The following KDM4C variants were observed in gnomAD, a reference collection of about 807,000 sequenced individuals.
KDM4C encodes the protein lysine demethylase 4C.
KDM4C carries 81 observed loss-of-function variants against 129.3 expected under a neutral mutation model. The observed-to-expected ratio is 0.63, with a 90% CI of 0.52 to 0.75. KDM4C has a LOEUF of 0.75. Among genes scored for constraint, KDM4C ranks in the 30% least tolerant of loss-of-function variants. KDM4C has a pLI of 0.00. For missense variants in KDM4C, 1,457 were observed against 1,304.0 expected, an observed-to-expected ratio of 1.12 and a Z score of -1.81; for synonymous variants, 573 against 456.1, an observed-to-expected ratio of 1.26 and a Z score of -3.26.
chr9:6,761,443 C>A (rs1442933517), intron 1 of KDM4C, among the ~76,000 whole-genome samples: 2 of 151,938 alleles, frequency 1.3e-5, no homozygotes, highest in Non-Finnish European at 2.9e-5. Context: ...CTCTGGCAGT[C>A]CACCAGCCCC....
intron 8 of KDM4C, among the ~76,000 whole-genome samples, chr9:6,968,614 T>C (rs1035565089): frequency 6.6e-6 from 1 of 152,206 alleles, no homozygotes; most frequent in Non-Finnish European, 1.5e-5. Flanking sequence ...GTTATAAGTT[T>C]ACTTTGTTGG....
At chr9:6,966,851 A>G (rs1831063184) in intron 8 of KDM4C, among the ~76,000 whole-genome samples, 1 of 152,222 alleles carries the variant, frequency 6.6e-6, no homozygotes, top group African/African-American at 2.4e-5. Flanking sequence ...ATGAAAATAT[A>G]GGGGACAGAG....
At chr9:7,010,988 G>T (rs1822578482) in intron 12 of KDM4C, among the ~76,000 whole-genome samples, 1 of 152,042 alleles carries the variant, frequency 6.6e-6, no homozygotes. Context: ...TGGTTGCAGT[G>T]AGCTGAGATT....
intron 8 of KDM4C, among the ~76,000 whole-genome samples, chr9:6,955,804 C>G (rs894460391): frequency 3.8e-4 from 58 of 152,292 alleles, no homozygotes; most frequent in African/African-American, 1.3e-3. Flanking sequence ...GATGTATTAA[C>G]TTTAATTTCC....
At chr9:6,998,408 C>T (rs932384687) in intron 12 of KDM4C, among the ~76,000 whole-genome samples, 2 of 152,208 alleles carry the variant, frequency 1.3e-5, no homozygotes, top group African/African-American at 4.8e-5. Context: ...CATTTATTCA[C>T]TTTTAAGTAA....
At chr9:6,939,955 AACCAACCTACCT>A (rs1485761415) in intron 8 of KDM4C, among the ~76,000 whole-genome samples, 2 of 83,292 alleles carry the variant, frequency 2.4e-5, no homozygotes, top group East Asian at 3.2e-4. Flanking sequence ...TAAATCCAAT[AACCAACCTACCT>A]ACCTACCTAC....
At chr9:7,100,763 TTTTTCTTTTC>T (rs149393177) in intron 17 of KDM4C, among the ~76,000 whole-genome samples, 3,551 of 152,196 alleles carry the variant, frequency 0.023, 134 homozygotes, top group African/African-American at 0.076. Context: ...TTTTCTTTCT[TTTTTCTTTTC>T]TTTTCTTTTC....
At chr9:6,978,432 G>C (rs747374192) in intron 8 of KDM4C, among the ~76,000 whole-genome samples, 1 of 152,234 alleles carries the variant, frequency 6.6e-6, no homozygotes, top group Non-Finnish European at 1.5e-5. Flanking sequence ...TAGTATAGGT[G>C]GGTTTTCTGG....
intron 1 of KDM4C, among the ~76,000 whole-genome samples, chr9:6,760,100 G>T (rs927851827): frequency 6.6e-6 from 1 of 151,898 alleles, no homozygotes; most frequent in Non-Finnish European, 1.5e-5. Flanking sequence ...TCATTGCCTA[G>T]TTCCCTCCAA....
At chr9:6,878,600 T>C (rs963385817) in intron 5 of KDM4C, among the ~76,000 whole-genome samples, 1 of 152,242 alleles carries the variant, frequency 6.6e-6, no homozygotes, top group African/African-American at 2.4e-5. Flanking sequence ...AGCTAAATTT[T>C]CTGTGAGCAT....
In KDM4C at chr9:6,758,919, G is replaced by A. The variant is rs1456747694; in HGVS notation, c.-18+716G>A. Among the ~76,000 whole-genome samples, 1 of 152,182 alleles carries A rather than the reference G, an allele frequency of 6.6e-6. No individual in the cohort carries two copies. Among genetic ancestry groups the A allele is most frequent in the African/African-American group, 2.4e-5 (1 of 41,444 alleles). ...CCGGGGCTGTAGGCAGGAGCTTGGG[G>A]TTTTCCTCTGTGCTCCGCCAGTAAA... On this transcript the variant is annotated intron_variant, in intron 1 of 21. Coordinates refer to ENST00000381309, the MANE Select transcript of KDM4C (RefSeq NM_015061.6). This position sits in a 1 kb window ranked among gnomAD's most constrained non-coding sequence, Gnocchi z 4.6.
intron 1 of KDM4C, among the ~76,000 whole-genome samples, chr9:6,779,305 C>T (rs577375042): frequency 3.3e-5 from 5 of 152,198 alleles, no homozygotes; most frequent in African/African-American, 4.8e-5. Context: ...CGTGAGCCAC[C>T]GTGCCTGGCT....
chr9:6,923,567 T>C (rs1821934886), intron 8 of KDM4C, among the ~76,000 whole-genome samples: 1 of 152,216 alleles, frequency 6.6e-6, no homozygotes, highest in African/African-American at 2.4e-5. Flanking sequence ...CCAAGAATTG[T>C]ATTCTTATTT....
At chr9:6,800,548 A>C (rs1293289661) in intron 2 of KDM4C, among the ~76,000 whole-genome samples, 1 of 152,176 alleles carries the variant, frequency 6.6e-6, no homozygotes, top group Admixed American at 6.6e-5. Context: ...AAAAAAGTTA[A>C]ATAAAATAAT....
intron 5 of KDM4C, among the ~76,000 whole-genome samples, chr9:6,862,514 A>C (rs999506074): frequency 2.0e-5 from 3 of 152,154 alleles, no homozygotes; most frequent in South Asian, 2.1e-4. Context: ...TTAAAGGCTA[A>C]ACTTCAGGCT....
At chr9:6,916,111 G>T (rs1820262277) in intron 8 of KDM4C, among the ~76,000 whole-genome samples, 1 of 152,196 alleles carries the variant, frequency 6.6e-6, no homozygotes, top group African/African-American at 2.4e-5. Context: ...AGCAACCTGA[G>T]TAAAGATGGG....
chr9:7,154,440 T>A (rs915547131), intron 19 of KDM4C, among the ~76,000 whole-genome samples: 1 of 152,186 alleles, frequency 6.6e-6, no homozygotes, highest in Non-Finnish European at 1.5e-5. Context: ...TGCTCTGTGG[T>A]TTATACACGT....
chr9:7,102,481 C>G (rs1439804223), intron 17 of KDM4C, among the ~76,000 whole-genome samples: 3 of 152,106 alleles, frequency 2.0e-5, no homozygotes, highest in Non-Finnish European at 4.4e-5. Context: ...GATGGAGATA[C>G]ACATTGGGAA....
chr9:7,084,496 C>T (rs1834893450), intron 17 of KDM4C, among the ~76,000 whole-genome samples: 1 of 152,194 alleles, frequency 6.6e-6, no homozygotes, highest in African/African-American at 2.4e-5. Context: ...AATAGGCCTT[C>T]TCCTTAATAA....
Sources: gnomAD v4.1 joint callset for allele counts (sites outside exome capture counted in the v4.1 genomes callset) on GRCh38, gnomAD v4.1.1 for gene constraint, Gnocchi (gnomAD v3.1) non-coding constraint, MANE v1.5 for transcripts, NCBI Gene and HGNC (gene_info 2026-07-23, HGNC 2026-07-21) for gene names.